NAA16: variants seen among roughly 807,000 people sequenced by gnomAD.
The protein encoded by NAA16 is N-alpha-acetyltransferase 16, NatA auxiliary subunit.
A neutral mutation model predicts 110.3 loss-of-function variants in NAA16; 97 were observed. That is an observed-to-expected ratio of 0.88 (90% confidence interval 0.75 to 1.04). The LOEUF is 1.04. Among genes scored for constraint, NAA16 ranks in the 50% least tolerant of loss-of-function variants. NAA16 has a pLI of 0.00. For missense variants in NAA16, 1,017 were observed against 1,005.1 expected (o/e 1.01, Z -0.16); for synonymous variants, 372 against 330.6 (o/e 1.13, Z -1.36).
intron 18 of NAA16, chr13:41,374,533 A>G (rs542814460): frequency 5.7e-5 from 23 of 405,578 alleles, no homozygotes; most frequent in African/African-American, 3.4e-4. Flanking sequence ...CATGATATAA[A>G]TACTCTGATC....
At chr13:41,332,752 A>G (rs1326115107) in intron 8 of NAA16, among the ~76,000 whole-genome samples, 1 of 151,300 alleles carries the variant, frequency 6.6e-6, no homozygotes, top group Admixed American at 6.6e-5. Context: ...CTTGGGTTAT[A>G]AGTTTATTTT....
Position 41,367,651 on chromosome 13 carries a change from A to C in NAA16, c.1752A>C (p.Ser584=). The C allele has an allele frequency of 1.3e-6, 2 of 1,594,690 alleles. No homozygotes were observed. The highest frequency in any genetic ancestry group is 1.7e-6 in the Non-Finnish European group (2 of 1,166,380). ...AAAGCAAACAACAAGAAATAAACTC[A>C]GGTAACTGAATAGGAACTTAAAAGA... The part of the protein sequence containing the change: ...TNESKQQEIN[S]ENLSAKELKK... The change falls in exon 14 of 20, where the codon TCA becomes TCC. Residue 584 remains serine (S), a splice_region_variant and synonymous_variant. Coordinates refer to ENST00000379406, the MANE Select transcript of NAA16 (RefSeq NM_024561.5).
rs898612678 is a variant in NAA16, at chr13:41,346,940, C to T, written c.1015-8204C>T. Among the ~76,000 whole-genome samples the T allele has an allele frequency of 4.6e-5, 7 of 152,162 alleles. No individual in the cohort carries two copies. The South Asian group carries it at 6.2e-4, about 14-fold the overall frequency. On this transcript the variant is annotated intron_variant, in intron 9 of 19. Transcript: ENST00000379406. ...AGTTTTGAAATTAGGAAGTGTGAGC[C>T]GGGCGCGGTGGCTCACGCCTGTAAT...
At chr13:41,354,191 A>T (rs1410261024) in intron 9 of NAA16, among the ~76,000 whole-genome samples, 31 of 152,220 alleles carry the variant, frequency 2.0e-4, no homozygotes, top group Non-Finnish European at 7.3e-5. Context: ...TGAGAAAGCT[A>T]TCATGTAGGC....
intron 18 of NAA16, among the ~76,000 whole-genome samples, chr13:41,374,154 T>G (rs965311864): frequency 6.6e-6 from 1 of 151,976 alleles, no homozygotes; most frequent in East Asian, 1.9e-4. Context: ...TTTTTTTTTT[T>G]TCTTTGAAAT....
At chr13:41,342,872 G>GT (rs1317867930) in intron 9 of NAA16, among the ~76,000 whole-genome samples, 4 of 152,176 alleles carry the variant, frequency 2.6e-5, no homozygotes, top group Non-Finnish European at 5.9e-5. Flanking sequence ...ATTTGTGTAA[G>GT]TTTGTAGCAC....
At chr13:41,359,725 C>T (rs2139497709) in intron 12 of NAA16, among the ~76,000 whole-genome samples, 1 of 151,624 alleles carries the variant, frequency 6.6e-6, no homozygotes, top group Middle Eastern at 3.4e-3. Context: ...AAACCTTTCA[C>T]ACTTATACAA....
intron 9 of NAA16, among the ~76,000 whole-genome samples, chr13:41,350,334 C>G (rs1183383513): frequency 1.3e-5 from 2 of 151,798 alleles, no homozygotes; most frequent in Admixed American, 6.6e-5. Flanking sequence ...CGCTCTGTCC[C>G]CCAGGCTGGA....
At chr13:41,375,014 A>G (rs2043401358) in intron 19 of NAA16, among the ~76,000 whole-genome samples, 175 bp downstream of exon 19, 1 of 152,112 alleles carries the variant, frequency 6.6e-6, no homozygotes. Flanking sequence ...CTTTTTCCTC[A>G]TTTTTAAGAT....
At chr13:41,351,148 A>G (rs9590593) in intron 9 of NAA16, among the ~76,000 whole-genome samples, 3,872 of 152,198 alleles carry the variant, frequency 0.025, 160 homozygotes, top group African/African-American at 0.086. Flanking sequence ...GAATATTTGT[A>G]TTTTCATAAA....
At chr13:41,342,040 G>A (rs892929760) in intron 9 of NAA16, among the ~76,000 whole-genome samples, 3 of 149,980 alleles carry the variant, frequency 2.0e-5, no homozygotes, top group Non-Finnish European at 3.0e-5. Context: ...CACTGTGTTC[G>A]CCAGGATGGT....
At position 41,371,806 on chromosome 13, in the gene NAA16, G is replaced by A. The variant is rs913054445; in HGVS notation, c.1948-397G>A. On this transcript the variant is annotated intron_variant, in intron 15 of 19. Transcript: ENST00000379406. Reference sequence around the variant, plus strand: ...CCCCTAATGCTCATGTTGTTCATGGGTCAACTGTATTATAAGCATTTTAAA... The same window carrying A: ...CCCCTAATGCTCATGTTGTTCATGGATCAACTGTATTATAAGCATTTTAAA... 3.3e-5 allele frequency among the ~76,000 whole-genome samples: 5 copies of A among 152,048 alleles called. No individual in the cohort carries two copies. The South Asian group carries it at 6.2e-4, about 19-fold the overall frequency.
At position 41,318,916 on chromosome 13, in the gene NAA16, CT is replaced by C; in HGVS notation, c.244+10del. The C allele has an allele frequency of 2.7e-6, 4 of 1,506,286 alleles. No homozygotes were observed. The highest frequency in any genetic ancestry group is 2.3e-5 in the East Asian group (1 of 43,292). 93.3% of individuals were successfully genotyped at this position (1,506,286 alleles called of 1,614,324 possible). The stretch of plus-strand genomic sequence containing the variant: ...TGATGTCAAGAGTCATGTCTGTATC[CT>C]TTTGCAGTAGTTAAATAGTTTATGT... On this transcript the variant is annotated splice_region_variant and intron_variant, in intron 3 of 19. Coordinates refer to ENST00000379406, the MANE Select transcript of NAA16 (RefSeq NM_024561.5).
intron 18 of NAA16, 129 bp from the exon 19 acceptor site, chr13:41,374,612 TG>T: frequency 1.7e-6 from 1 of 594,268 alleles, no homozygotes; most frequent in Non-Finnish European, 2.9e-6. Flanking sequence ...TCTCTTGAGC[TG>T]GTAGGAGCCA....
chr13:41,325,968 GATTATTAAGCC>G, intron 6 of NAA16, 117 bp downstream of exon 6: 1 of 731,542 alleles, frequency 1.4e-6, no homozygotes, highest in East Asian at 3.3e-5. Flanking sequence ...TTCCAAACAC[GATTATTAAGCC>G]ATTATTAACT....
chr13:41,332,147 C>T (rs902881550), intron 8 of NAA16, among the ~76,000 whole-genome samples: 1 of 151,452 alleles, frequency 6.6e-6, no homozygotes, highest in African/African-American at 2.4e-5. Context: ...AGCCTCAAAC[C>T]CCTGGGCTCA....
At chr13:41,371,488 C>T (rs1188814703) in intron 15 of NAA16, among the ~76,000 whole-genome samples, 1 of 152,164 alleles carries the variant, frequency 6.6e-6, no homozygotes, top group Non-Finnish European at 1.5e-5. Context: ...GGTAGCAAAA[C>T]TAGCCCTTCA....
chr13:41,322,699 C>T (rs1032542084), intron 4 of NAA16, among the ~76,000 whole-genome samples: 1 of 151,808 alleles, frequency 6.6e-6, no homozygotes, highest in African/African-American at 2.4e-5. Context: ...ACATGTAATT[C>T]ATATAATAGT....
At chr13:41,351,516 G>A (rs1222781478) in intron 9 of NAA16, among the ~76,000 whole-genome samples, 3 of 151,910 alleles carry the variant, frequency 2.0e-5, no homozygotes, top group Non-Finnish European at 4.4e-5. Flanking sequence ...TCTTCATTGC[G>A]AAAAAAATGT....
Sources: allele counts gnomAD v4.1 joint callset (sites outside exome capture counted in the v4.1 genomes callset), GRCh38; gene constraint gnomAD v4.1.1; transcripts MANE v1.5; gene names NCBI Gene and HGNC (gene_info 2026-07-23, HGNC 2026-07-21).